The following SEZ6L variants were observed in gnomAD, a reference collection of about 807,000 sequenced individuals.
The protein encoded by SEZ6L is seizure related 6 homolog like.
A neutral mutation model predicts 106.2 loss-of-function variants in SEZ6L; 37 were observed. That is an observed-to-expected ratio of 0.35 (90% CI 0.27 to 0.46). The LOEUF (loss-of-function observed/expected upper bound fraction) is 0.46. SEZ6L is among the 20% of genes least tolerant of loss of function. The pLI is 1.00. For synonymous variants in SEZ6L, 541 were observed against 570.4 expected (o/e 0.95, Z 0.73); for missense variants, 1,172 against 1,332.8 (o/e 0.88, Z 1.88).
At chr22:26,262,890 A>G (rs2080061481) in intron 1 of SEZ6L, among the ~76,000 whole-genome samples, 1 of 152,240 alleles carries the variant, frequency 6.6e-6, no homozygotes, top group African/African-American at 2.4e-5. Context: ...CACAGGGCTG[A>G]GAACTTTGAT....
At chr22:26,328,990 A>T (rs1466606317) in intron 9 of SEZ6L, among the ~76,000 whole-genome samples, 7 of 152,114 alleles carry the variant, frequency 4.6e-5, no homozygotes, top group African/African-American at 1.7e-4. Context: ...ATTTGTCTGG[A>T]GTACAACCTG....
At chr22:26,197,448 G>A (rs1485099883) in intron 1 of SEZ6L, among the ~76,000 whole-genome samples, 3 of 152,220 alleles carry the variant, frequency 2.0e-5, no homozygotes, top group Non-Finnish European at 2.9e-5. Context: ...GGGTGAGTAA[G>A]TAACATTGTG....
intron 9 of SEZ6L, among the ~76,000 whole-genome samples, chr22:26,336,000 G>A (rs973662905): frequency 6.6e-6 from 1 of 152,160 alleles, no homozygotes; most frequent in East Asian, 1.9e-4. Flanking sequence ...TCAATGGCCA[G>A]TGCCTTCTTT....
intron 1 of SEZ6L, among the ~76,000 whole-genome samples, chr22:26,227,360 T>C (rs1381677386): frequency 1.3e-5 from 2 of 152,236 alleles, no homozygotes; most frequent in East Asian, 3.8e-4. Context: ...AGACCTTGAC[T>C]AGAAGCTCAG....
chr22:26,350,728 C>G (rs191255645), intron 11 of SEZ6L, among the ~76,000 whole-genome samples: 15 of 149,000 alleles, frequency 1.0e-4, no homozygotes, highest in African/African-American at 1.8e-4. Context: ...GCGATCTCGG[C>G]TCACTTCAAG....
At chr22:26,192,729 A>C (rs1378224041) in intron 1 of SEZ6L, among the ~76,000 whole-genome samples, 1 of 152,192 alleles carries the variant, frequency 6.6e-6, no homozygotes, top group Non-Finnish European at 1.5e-5. Context: ...TAATGGGTAA[A>C]ATAGGCCCAT....
chr22:26,191,188 A>T (rs1411386911), intron 1 of SEZ6L, among the ~76,000 whole-genome samples: 1 of 152,202 alleles, frequency 6.6e-6, no homozygotes, highest in East Asian at 1.9e-4. Context: ...GAATAAAGAA[A>T]ATCTGCCACC....
At chr22:26,346,102 G>T (rs1307170399) in intron 10 of SEZ6L, among the ~76,000 whole-genome samples, 1 of 151,418 alleles carries the variant, frequency 6.6e-6, no homozygotes, top group African/African-American at 2.4e-5. Context: ...TTCATGGCTC[G>T]CTGCAGTCTC....
intron 8 of SEZ6L, among the ~76,000 whole-genome samples, chr22:26,312,562 C>A (rs187066629): frequency 1.9e-3 from 272 of 143,864 alleles, no homozygotes; most frequent in South Asian, 8.6e-3. Context: ...GTTGTAGAAC[C>A]CTCATCTACA....
chr22:26,293,287 G>A (rs930406520), intron 2 of SEZ6L, 141 bp downstream of exon 2: 21 of 1,238,558 alleles, frequency 1.7e-5, no homozygotes, highest in East Asian at 2.6e-5. Flanking sequence ...TATGAGCTTC[G>A]CCCTGTGGCT....
rs776025229 is a variant in SEZ6L at position 26,231,452 on chromosome 22, C to T, written c.95-60954C>T. Among the ~76,000 whole-genome samples the T allele has an allele frequency of 6.5e-4, 99 of 152,172 alleles. 1 individual carries two copies. Among genetic ancestry groups the T allele is most frequent in the Non-Finnish European group, 3.2e-4 (22 of 68,038 alleles). Reference sequence around the variant, plus strand: ...CAGTGTCTAGTCCTGCCTCCTACCTCAGCTTGATTCTCAATATGCTGGGAA... The same window carrying T: ...CAGTGTCTAGTCCTGCCTCCTACCTTAGCTTGATTCTCAATATGCTGGGAA... On this transcript the variant is annotated intron_variant, in intron 1 of 16. Transcript: ENST00000248933.
chr22:26,188,654 A>G (rs879465129), intron 1 of SEZ6L, among the ~76,000 whole-genome samples: 1 of 152,158 alleles, frequency 6.6e-6, no homozygotes, highest in Non-Finnish European at 1.5e-5. Flanking sequence ...TCTGTACTCC[A>G]TCATTGGTTT....
intron 12 of SEZ6L, 48 bp downstream of exon 12, chr22:26,351,291 C>G (rs1486235685): frequency 6.4e-7 from 1 of 1,561,328 alleles, no homozygotes. Context: ...GAAGCAGATT[C>G]ACTTTCTCTT....
chr22:26,346,233 G>C (rs1350614733), intron 10 of SEZ6L, among the ~76,000 whole-genome samples: 1 of 151,912 alleles, frequency 6.6e-6, no homozygotes, highest in Non-Finnish European at 1.5e-5. Flanking sequence ...GAGATGGGGA[G>C]GTCTCCCTAC....
chr22:26,222,202 TG>T (rs1280561959), intron 1 of SEZ6L, among the ~76,000 whole-genome samples: 11 of 152,358 alleles, frequency 7.2e-5, no homozygotes, highest in African/African-American at 2.6e-4. Flanking sequence ...TAGATGATTC[TG>T]GTGCATGCTC....
intron 1 of SEZ6L, 109 bp from the exon 2 acceptor site, chr22:26,292,297 C>G (rs1300640522): frequency 1.3e-6 from 1 of 791,688 alleles, no homozygotes; most frequent in African/African-American, 1.7e-5. Flanking sequence ...TAGAGGCCAG[C>G]CGGACGAGCT....
intron 1 of SEZ6L, among the ~76,000 whole-genome samples, chr22:26,203,603 A>T (rs1425409865): frequency 1.3e-5 from 2 of 152,216 alleles, no homozygotes; most frequent in Non-Finnish European, 2.9e-5. Flanking sequence ...AGGAACACTT[A>T]CTAAGCACAT....
At chr22:26,301,349 C>T (rs760262029) in intron 5 of SEZ6L, among the ~76,000 whole-genome samples, 6 of 152,168 alleles carry the variant, frequency 3.9e-5, no homozygotes, top group African/African-American at 7.2e-5. Flanking sequence ...AAACATCCGC[C>T]GAGCGCCCAC....
chr22:26,272,204 G>A (rs1051180467), intron 1 of SEZ6L, among the ~76,000 whole-genome samples: 2 of 152,182 alleles, frequency 1.3e-5, no homozygotes, highest in Admixed American at 6.5e-5. Context: ...TGATGGAAAT[G>A]TTTTGCATAT....
Sources: gnomAD v4.1 joint callset for allele counts (sites outside exome capture counted in the v4.1 genomes callset) on GRCh38, gnomAD v4.1.1 for gene constraint, MANE v1.5 for transcripts, NCBI Gene and HGNC (gene_info 2026-07-23, HGNC 2026-07-21) for gene names.